Variants in GPHB5 observed in about 807,000 individuals in gnomAD.
GPHB5 encodes the protein glycoprotein hormone subunit beta 5.
Under a neutral mutation model 10.1 loss-of-function variants are expected in GPHB5, and 7 were observed. That is an observed-to-expected ratio of 0.69 (90% CI 0.39 to 1.30). The LOEUF (loss-of-function observed/expected upper bound fraction) is 1.30. Among genes scored for constraint, GPHB5 ranks in the 50% most tolerant of loss-of-function variants. GPHB5 has a pLI of 0.01. For missense variants in GPHB5, 161 were observed against 169.8 expected (o/e 0.95, Z 0.29); for synonymous variants, 68 against 70.1 (o/e 0.97, Z 0.15).
intron 1 of GPHB5, among the ~76,000 whole-genome samples, 195 bp from the exon 2 acceptor site, chr14:63,318,045 T>G (rs1271559): frequency 0.38 from 58,549 of 152,092 alleles, 12,406 homozygotes; most frequent in African/African-American, 0.57. Context: ...CAGTGTGGAT[T>G]CCATGGCCCT....
rs1336302858 is a variant in GPHB5 at position 63,317,796 on chromosome 14, G to A, written c.54C>T (p.Gly18=). Residue 18 remains glycine, a synonymous_variant, in exon 2 of 3, where the codon GGC becomes GGT. Coordinates refer to ENST00000621500, the MANE Select transcript of GPHB5 (RefSeq NM_145171.4). ...LGPMALLLLA[G]YGCVLGASSG... is the part of the protein sequence containing the mutation. ...TGGAGGCACCGAGGACACAGCCATA[G>A]CCAGCCAGAAGGAGGAGGGCCATGG... 1.9e-6 allele frequency: 3 copies of A among 1,614,062 alleles called. No individual in the cohort carries two copies. Among genetic ancestry groups the A allele is most frequent in the Non-Finnish European group, 2.5e-6 (3 of 1,179,892 alleles).
At chr14:63,317,552 T>A in intron 2 of GPHB5, 94 bp downstream of exon 2, 1 of 1,192,002 alleles carries the variant, frequency 8.4e-7, no homozygotes. Flanking sequence ...ATGTCCCAGC[T>A]CTACCTCATA....
At chr14:63,317,509 G>T in intron 2 of GPHB5, 137 bp downstream of exon 2, 1 of 741,656 alleles carries the variant, frequency 1.3e-6, no homozygotes, top group Admixed American at 2.9e-5. Context: ...TCATAGTTTT[G>T]TTTTGGTTTT....
chr14:63,315,328 G>A (rs1407591548), intron 2 of GPHB5, among the ~76,000 whole-genome samples: 1 of 152,152 alleles, frequency 6.6e-6, no homozygotes, highest in Admixed American at 6.5e-5. Flanking sequence ...AACCTAGGCA[G>A]ACCAAACGCC....
chr14:63,318,007 G>A (rs182721557), intron 1 of GPHB5, among the ~76,000 whole-genome samples, 157 bp from the exon 2 acceptor site: 160 of 152,306 alleles, frequency 1.1e-3, no homozygotes, highest in Non-Finnish European at 1.5e-3. Flanking sequence ...CTCCAACACA[G>A]GCATCCAGAG....
chr14:63,315,625 G>T (rs1373380975), intron 2 of GPHB5, among the ~76,000 whole-genome samples: 1 of 152,172 alleles, frequency 6.6e-6, no homozygotes, highest in East Asian at 1.9e-4. Context: ...AATCCAGCCA[G>T]CCTGTCATCA....
At chr14:63,317,456 G>A (rs1421106755) in intron 2 of GPHB5, among the ~76,000 whole-genome samples, 190 bp downstream of exon 2, 1 of 152,184 alleles carries the variant, frequency 6.6e-6, no homozygotes, top group Admixed American at 6.5e-5. Flanking sequence ...CTTTGTTAGA[G>A]GGGCAACATC....
chr14:63,316,776 A>G (rs938644846), intron 2 of GPHB5, among the ~76,000 whole-genome samples: 1 of 152,228 alleles, frequency 6.6e-6, no homozygotes, highest in Non-Finnish European at 1.5e-5. Flanking sequence ...CATATTGCTG[A>G]GCACCTTGAA....
chr14:63,314,203 T>C (rs1390884419), intron 2 of GPHB5, among the ~76,000 whole-genome samples: 2 of 152,174 alleles, frequency 1.3e-5, no homozygotes, highest in Admixed American at 1.3e-4. Flanking sequence ...AGCACCTAGC[T>C]GGAGTTAAAA....
At chr14:63,313,244 C>A (rs757972228) in intron 2 of GPHB5, 128 bp from the exon 3 acceptor site, 33 of 917,732 alleles carry the variant, frequency 3.6e-5, no homozygotes, top group Non-Finnish European at 5.0e-5. Context: ...CTGTCGTCTC[C>A]CAGTAGAAAA....
intron 2 of GPHB5, among the ~76,000 whole-genome samples, chr14:63,315,213 C>G (rs1436911524): frequency 1.3e-5 from 2 of 152,170 alleles, no homozygotes; most frequent in Admixed American, 1.3e-4. Context: ...CCACGCCCGG[C>G]CAGCCTTGCC....
chr14:63,314,127 C>T (rs1433036355), intron 2 of GPHB5, among the ~76,000 whole-genome samples: 2 of 152,162 alleles, frequency 1.3e-5, no homozygotes, highest in South Asian at 4.1e-4. Context: ...CCTTCCTTCA[C>T]CTTTTATAAA....
At chr14:63,314,866 T>C (rs1001396509) in intron 2 of GPHB5, among the ~76,000 whole-genome samples, 1 of 151,526 alleles carries the variant, frequency 6.6e-6, no homozygotes, top group Non-Finnish European at 1.5e-5. Context: ...TGCATGAATG[T>C]CATGAAAATA....
intron 2 of GPHB5, among the ~76,000 whole-genome samples, chr14:63,315,342 T>C (rs755192089): frequency 7.2e-5 from 11 of 152,234 alleles, no homozygotes; most frequent in Non-Finnish European, 1.5e-4. Context: ...AAACGCCCCG[T>C]AAAATTTCAT....
At chr14:63,317,934 CA>C in intron 1 of GPHB5, 84 bp from the exon 2 acceptor site, 2 of 1,236,970 alleles carry the variant, frequency 1.6e-6, no homozygotes, top group African/African-American at 1.5e-5. Flanking sequence ...TTGTCACTAT[CA>C]AAGGGACCTT....
Position 63,318,932 on chromosome 14 carries a change from T to C in GPHB5, c.-110A>G, listed in dbSNP as rs1882818746. The stretch of plus-strand genomic sequence containing the variant: ...GCCCTGGGTAAATGTCTCTACCTTC[T>C]GTTACTGGGCTGCTTGATTGCTCAA... On this transcript the variant is annotated 5_prime_UTR_variant, in exon 1 of 3. Transcript: ENST00000621500. 6.6e-6 allele frequency: 1 copy of C among 152,244 alleles called. No individual in the cohort carries two copies. Among genetic ancestry groups the C allele is most frequent in the Non-Finnish European group, 1.5e-5 (1 of 68,048 alleles). The allele number at this position is 152,244 out of a possible 1,614,324, so 9.4% of individuals were successfully genotyped here.
At chr14:63,313,632 G>A (rs1431991552) in intron 2 of GPHB5, among the ~76,000 whole-genome samples, 1 of 152,078 alleles carries the variant, frequency 6.6e-6, no homozygotes, top group Non-Finnish European at 1.5e-5. Flanking sequence ...TTCCTCACTA[G>A]GCTCACGGCG....
chr14:63,315,901 G>A (rs893256924), intron 2 of GPHB5, among the ~76,000 whole-genome samples: 32 of 152,200 alleles, frequency 2.1e-4, no homozygotes, highest in African/African-American at 7.7e-4. Flanking sequence ...GGGTGACCAT[G>A]ATCCAATTAA....
intron 2 of GPHB5, among the ~76,000 whole-genome samples, chr14:63,316,138 G>C (rs1231640921): frequency 6.6e-6 from 1 of 152,316 alleles, no homozygotes; most frequent in African/African-American, 2.4e-5. Context: ...ATTTTCATTG[G>C]GCTAGTAGGG....
Sources: allele counts gnomAD v4.1 joint callset (sites outside exome capture counted in the v4.1 genomes callset), GRCh38; gene constraint gnomAD v4.1.1; transcripts MANE v1.5; gene names NCBI Gene and HGNC (gene_info 2026-07-23, HGNC 2026-07-21).